Variants in WDPCP observed in about 807,000 individuals in gnomAD.
WDPCP encodes the protein WD repeat-containing and planar cell polarity effector protein fritz homolog.
In WDPCP, 71 loss-of-function variants were observed where a neutral mutation model predicts 93.1. The ratio of observed to expected loss-of-function variants is 0.76; its 90% CI spans 0.63 to 0.93. The LOEUF (loss-of-function observed/expected upper bound fraction) is 0.93. Among genes scored for constraint, WDPCP ranks in the 40% least tolerant of loss-of-function variants. The pLI is 0.00. For missense variants in WDPCP, 844 were observed against 887.4 expected (o/e 0.95, Z 0.62); for synonymous variants, 315 against 315.0 (o/e 1.00, Z 0.00).
rs746549040 is a variant in WDPCP, at chr2:63,404,192, A to C, written c.1291T>G (p.Leu431Val). ...LPRETLQFSK[L>V]FDASSSLVQM... ...ACAAGACTGCTGGAGGCATCAAATAATTTACTGAATTGCAGAGTCTCCCTG... is the reference window on the plus strand; with the variant it reads ...ACAAGACTGCTGGAGGCATCAAATACTTTACTGAATTGCAGAGTCTCCCTG... The change falls in exon 10 of 18, where the codon TTA (leucine) becomes GTA (valine). Residue 431 changes from leucine to valine, a missense_variant. By Grantham distance (32) the Leu-to-Val change is conservative (BLOSUM62 1). Coordinates refer to ENST00000272321, the MANE Select transcript of WDPCP (RefSeq NM_015910.7). 8.7e-6 allele frequency: 14 copies of C among 1,613,912 alleles called. No homozygotes were observed. Among genetic ancestry groups the C allele is most frequent in the Middle Eastern group, 1.6e-4 (1 of 6,078 alleles).
chr2:63,405,279 A>C (rs889446234), intron 9 of WDPCP, among the ~76,000 whole-genome samples: 4 of 152,194 alleles, frequency 2.6e-5, no homozygotes, highest in African/African-American at 9.7e-5. Flanking sequence ...TAAGTAGACA[A>C]GTGACCAATA....
At chr2:63,807,131 C>T (rs1670778791) in intron 2 of WDPCP, among the ~76,000 whole-genome samples, 3 of 152,182 alleles carry the variant, frequency 2.0e-5, no homozygotes, top group Non-Finnish European at 4.4e-5. Flanking sequence ...ATTTGGGGAA[C>T]TAATAAATGT....
chr2:63,653,738 C>T (rs1710134167), intron 2 of WDPCP, among the ~76,000 whole-genome samples: 1 of 152,040 alleles, frequency 6.6e-6, no homozygotes. Context: ...GGGCGAAACC[C>T]CGTCTCTACT....
intron 1 of WDPCP, among the ~76,000 whole-genome samples, chr2:63,519,958 A>G (rs1702809769): frequency 6.6e-6 from 1 of 152,220 alleles, no homozygotes; most frequent in Non-Finnish European, 1.5e-5. Context: ...GGAGAAAGTC[A>G]AAACCCAATC....
chr2:63,213,324 C>A (rs1204516032), intron 14 of WDPCP, among the ~76,000 whole-genome samples: 2 of 152,184 alleles, frequency 1.3e-5, no homozygotes, highest in Non-Finnish European at 2.9e-5. Context: ...GAAACTCACT[C>A]AAAACCGCTC....
intron 14 of WDPCP, among the ~76,000 whole-genome samples, chr2:63,224,433 TGC>T (rs1448131401): frequency 6.6e-6 from 1 of 152,024 alleles, no homozygotes; most frequent in Non-Finnish European, 1.5e-5. Context: ...CACAAAATCC[TGC>T]ACACAGATAT....
In WDPCP at chr2:63,137,592, C is replaced by T. The variant is rs13391490; in HGVS notation, c.2190+15322G>A. 5.7e-3 allele frequency among the ~76,000 whole-genome samples: 874 copies of T among 152,192 alleles called. 8 individuals are homozygous for T. Among genetic ancestry groups the T allele is most frequent in the African/African-American group, 0.02 (821 of 41,546 alleles). ...CCATTAGTCAATTTTGCTTTTGTTGCAGTTACTTTTGGCATCTTCATCATG... is the reference window on the plus strand; with the variant it reads ...CCATTAGTCAATTTTGCTTTTGTTGTAGTTACTTTTGGCATCTTCATCATG... On this transcript the variant is annotated intron_variant, in intron 17 of 17. Coordinates refer to ENST00000272321, the MANE Select transcript of WDPCP (RefSeq NM_015910.7).
chr2:63,461,210 T>G (rs1031860510), intron 6 of WDPCP, among the ~76,000 whole-genome samples: 2 of 151,708 alleles, frequency 1.3e-5, no homozygotes, highest in African/African-American at 4.8e-5. Context: ...CACCCAAATC[T>G]CATGTTGAAA....
chr2:63,437,961 G>C (rs924936305), intron 7 of WDPCP: 3 of 1,501,270 alleles, frequency 2.0e-6, no homozygotes, highest in Admixed American at 2.1e-5. Context: ...GATTTATTAG[G>C]GGATACTGAT....
At chr2:63,279,935 C>T (rs1040210686) in intron 13 of WDPCP, among the ~76,000 whole-genome samples, 2 of 152,062 alleles carry the variant, frequency 1.3e-5, no homozygotes, top group African/African-American at 4.8e-5. Context: ...AGGTGAAAGA[C>T]CTCCACAAGG....
intron 12 of WDPCP, among the ~76,000 whole-genome samples, chr2:63,324,679 C>G (rs1411894012): frequency 6.6e-6 from 1 of 152,190 alleles, no homozygotes; most frequent in Non-Finnish European, 1.5e-5. Context: ...TACCTGGCAT[C>G]TTAGTCAAGT....
chr2:63,198,946 G>T (rs1325537577), intron 14 of WDPCP, among the ~76,000 whole-genome samples: 1 of 152,156 alleles, frequency 6.6e-6, no homozygotes, highest in African/African-American at 2.4e-5. Flanking sequence ...AGGCTAAGGT[G>T]GTCTCAGATG....
intron 2 of WDPCP, among the ~76,000 whole-genome samples, chr2:63,713,379 T>C (rs1178737494): frequency 1.3e-5 from 2 of 152,200 alleles, no homozygotes; most frequent in South Asian, 2.1e-4. Flanking sequence ...GAATGGTGAA[T>C]TGTCTCCTAC....
chr2:63,777,274 T>C (rs1274354740), intron 2 of WDPCP, among the ~76,000 whole-genome samples: 1 of 152,158 alleles, frequency 6.6e-6, no homozygotes, highest in African/African-American at 2.4e-5. Context: ...ATTAAAACCA[T>C]ACCTACTAGA....
At chr2:63,412,538 G>C (rs570592788) in intron 9 of WDPCP, among the ~76,000 whole-genome samples, 1 of 152,234 alleles carries the variant, frequency 6.6e-6, no homozygotes, top group South Asian at 2.1e-4. Flanking sequence ...AGAGCAGTCA[G>C]ACAAGAGAAA....
intron 10 of WDPCP, among the ~76,000 whole-genome samples, chr2:63,393,241 T>G (rs189089648): frequency 1.3e-5 from 2 of 152,288 alleles, no homozygotes; most frequent in East Asian, 3.9e-4. Flanking sequence ...TGCCAGGACA[T>G]GGATGAAGCT....
chr2:63,386,149 A>G (rs1558554974), intron 10 of WDPCP, among the ~76,000 whole-genome samples: 1 of 152,162 alleles, frequency 6.6e-6, no homozygotes, highest in Admixed American at 6.6e-5. Context: ...ACCCTGCGTC[A>G]AAGAGTTTTC....
chr2:63,704,493 T>C (rs1040742227), intron 2 of WDPCP, among the ~76,000 whole-genome samples: 6 of 152,174 alleles, frequency 3.9e-5, no homozygotes, highest in African/African-American at 1.2e-4. Flanking sequence ...ATTTATTGAG[T>C]GTTTTTAGCA....
chr2:63,360,239 T>C (rs1690345205), intron 12 of WDPCP, among the ~76,000 whole-genome samples: 1 of 152,210 alleles, frequency 6.6e-6, no homozygotes. Flanking sequence ...AATTCGATTT[T>C]AGGCTGAATA....
Sources: allele counts gnomAD v4.1 joint callset (sites outside exome capture counted in the v4.1 genomes callset), GRCh38; gene constraint gnomAD v4.1.1; transcripts MANE v1.5; gene names NCBI Gene and HGNC (gene_info 2026-07-23, HGNC 2026-07-21).